PPP2R5A: variants seen among roughly 807,000 people sequenced by gnomAD.
PPP2R5A encodes the protein serine/threonine-protein phosphatase 2A 56 kDa regulatory subunit alpha isoform.
In PPP2R5A, 25 loss-of-function variants were observed where a neutral mutation model predicts 64.2. The ratio of observed to expected loss-of-function variants is 0.39; its 90% confidence interval spans 0.28 to 0.54. The LOEUF is 0.54. PPP2R5A is among the 20% of genes least tolerant of loss of function. PPP2R5A has a pLI of 0.67. For missense variants in PPP2R5A, 425 were observed against 576.3 expected (o/e 0.74, Z 2.69); for synonymous variants, 198 against 201.2 (o/e 0.98, Z 0.13).
intron 1 of PPP2R5A, 95 bp downstream of exon 1, chr1:212,286,386 C>T: frequency 7.5e-7 from 1 of 1,331,480 alleles, no homozygotes; most frequent in South Asian, 1.6e-5. Context: ...GTTTCTCCTG[C>T]TCAGTTGGGA....
At chr1:212,307,898 G>A (rs2102418153) in intron 1 of PPP2R5A, among the ~76,000 whole-genome samples, 1 of 151,776 alleles carries the variant, frequency 6.6e-6, no homozygotes, top group East Asian at 1.9e-4. Flanking sequence ...AGGCTGGAGT[G>A]CAGTGGCGTG....
intron 8 of PPP2R5A, chr1:212,352,979 G>C: frequency 1.9e-6 from 1 of 516,290 alleles, no homozygotes; most frequent in Non-Finnish European, 3.9e-6. Flanking sequence ...ACAAGCATTT[G>C]TTGCCTTAGT....
chr1:212,287,746 G>A (rs1459222129), intron 1 of PPP2R5A, among the ~76,000 whole-genome samples: 1 of 151,998 alleles, frequency 6.6e-6, no homozygotes, highest in African/African-American at 2.4e-5. Flanking sequence ...AAAGAATATC[G>A]TCTTTGCTAT....
chr1:212,356,915 A>G (rs753611791), intron 9 of PPP2R5A, 35 bp from the exon 10 acceptor site: 4 of 1,455,722 alleles, frequency 2.7e-6, no homozygotes, highest in Admixed American at 4.5e-5. Context: ...CACATAATTT[A>G]TCATGTTTCT....
At chr1:212,349,129 A>G in intron 7 of PPP2R5A, 60 bp from the exon 8 acceptor site, 2 of 1,202,110 alleles carry the variant, frequency 1.7e-6, no homozygotes, top group Non-Finnish European at 2.2e-6. Context: ...CTAAATATAA[A>G]AATCCTACAT....
intron 4 of PPP2R5A, among the ~76,000 whole-genome samples, chr1:212,343,547 T>A (rs1003436300): frequency 5.3e-5 from 8 of 152,246 alleles, no homozygotes; most frequent in Non-Finnish European, 1.0e-4. Flanking sequence ...GAAGGATTGA[T>A]AAATGAAGAA....
intron 12 of PPP2R5A, among the ~76,000 whole-genome samples, chr1:212,360,413 A>G (rs1201973351): frequency 6.6e-6 from 1 of 152,210 alleles, no homozygotes; most frequent in South Asian, 2.1e-4. Flanking sequence ...GGGGACAGAA[A>G]GCAAGTAGTA....
intron 8 of PPP2R5A, among the ~76,000 whole-genome samples, chr1:212,354,690 CAG>C (rs1659946974): frequency 6.7e-6 from 1 of 149,300 alleles, no homozygotes; most frequent in Non-Finnish European, 1.5e-5. Context: ...GCCTAGGCAA[CAG>C]AGTGAGGCCT....
Position 212,361,447 on chromosome 1 carries a change from G to A in PPP2R5A, c.*677G>A, listed in dbSNP as rs1194346459. ...GCAATTCTCCAGAGTGGTAACAGAT[G>A]GGTAGAGGCAGCTCAGGTGAATTAC... On this transcript the variant is annotated 3_prime_UTR_variant, in exon 13 of 13. Coordinates refer to ENST00000261461, the MANE Select transcript of PPP2R5A (RefSeq NM_006243.4). The A allele has an allele frequency of 6.6e-6, 1 of 152,640 alleles. No individual in the cohort carries two copies. Among genetic ancestry groups the A allele is most frequent in the Non-Finnish European group, 1.5e-5 (1 of 68,048 alleles). The allele number at this position is 152,640 out of a possible 1,614,324, so 9.5% of individuals were successfully genotyped here.
At chr1:212,340,266 T>G (rs1659665569) in intron 3 of PPP2R5A, among the ~76,000 whole-genome samples, 1 of 152,178 alleles carries the variant, frequency 6.6e-6, no homozygotes, top group African/African-American at 2.4e-5. Context: ...TCAAGTTGCA[T>G]ATCCTCCTTA....
At chr1:212,336,375 A>G (rs1362803557) in intron 3 of PPP2R5A, among the ~76,000 whole-genome samples, 6 of 152,192 alleles carry the variant, frequency 3.9e-5, no homozygotes, top group Admixed American at 1.3e-4. Flanking sequence ...TCAGCCTCCC[A>G]AAGTGCTGGG....
intron 1 of PPP2R5A, among the ~76,000 whole-genome samples, chr1:212,294,604 T>C (rs1222679609): frequency 2.0e-5 from 3 of 152,234 alleles, no homozygotes; most frequent in African/African-American, 7.2e-5. Context: ...TTTTCCATAG[T>C]GCATAAAATT....
chr1:212,361,590 AGTCCCACAGT>A lies in PPP2R5A; in HGVS notation c.*823_*832del, dbSNP rs1464098072. Reference sequence around the variant, plus strand: ...TCCTGACCCAGGGATGGAGGCTTTGAGTCCCACAGTGTGGTGATACAGAGCACTAGTTGTC... The same window carrying A: ...TCCTGACCCAGGGATGGAGGCTTTGAGTGGTGATACAGAGCACTAGTTGTC... On this transcript the variant is annotated 3_prime_UTR_variant, in exon 13 of 13. Transcript: ENST00000261461. 1 of 152,684 alleles carries A rather than the reference AGTCCCACAGT, an allele frequency of 6.5e-6. No individual in the cohort carries two copies. The highest frequency in any genetic ancestry group is 1.5e-5 in the Non-Finnish European group (1 of 68,072). The allele number at this position is 152,684 out of a possible 1,614,324, so 9.5% of individuals were successfully genotyped here.
rs115140954 is a variant in PPP2R5A at position 212,286,272 on chromosome 1, C to T, written c.162C>T (p.His54=). 310 of 1,530,008 alleles carry T rather than the reference C, an allele frequency of 2.0e-4. 4 individuals are homozygous for T. In the African/African-American group the frequency reaches 4.0e-3, roughly 20 times the overall value. The allele number at this position is 1,530,008 out of a possible 1,614,324, so 94.8% of individuals were successfully genotyped here. The change falls in exon 1 of 13, where the codon CAC becomes CAT. Residue 54 remains histidine, a synonymous_variant. Transcript: ENST00000261461. ...FRSQGSQAEL[H]PLPQLKDATS... is the part of the protein sequence containing the mutation. ...GCCAGGGCAGCCAGGCAGAGCTGCACCCGCTGCCCCAGCTCAAAGGTAACC... is the reference window on the plus strand; with the variant it reads ...GCCAGGGCAGCCAGGCAGAGCTGCATCCGCTGCCCCAGCTCAAAGGTAACC...
In PPP2R5A at chr1:212,286,052, C is replaced by T. The variant is rs1658490189; in HGVS notation, c.-59C>T. ...CTCCCCCGCCTCCTCCTGCCGTCTC[C>T]GCCGCTGCCCGTGCCTTGCAAGCAG... On this transcript the variant is annotated 5_prime_UTR_variant, in exon 1 of 13. Transcript: ENST00000261461. 2.8e-6 allele frequency: 4 copies of T among 1,448,336 alleles called. No individual in the cohort carries two copies. Among genetic ancestry groups the T allele is most frequent in the African/African-American group, 3.0e-5 (2 of 67,422 alleles). The allele number at this position is 1,448,336 out of a possible 1,614,324, so 89.7% of individuals were successfully genotyped here. A position where few individuals can be genotyped will look rare whatever the true frequency, so the allele number is the denominator to read the frequency against.
chr1:212,330,172 G>C (rs989428758), intron 2 of PPP2R5A, among the ~76,000 whole-genome samples: 1 of 152,116 alleles, frequency 6.6e-6, no homozygotes, highest in African/African-American at 2.4e-5. Flanking sequence ...CTATCAAACA[G>C]TATGATTTTG....
intron 1 of PPP2R5A, among the ~76,000 whole-genome samples, chr1:212,289,982 A>T (rs1658571499): frequency 6.6e-6 from 1 of 152,228 alleles, no homozygotes; most frequent in African/African-American, 2.4e-5. Context: ...CGAAGAAATC[A>T]ACCTAACCAG....
intron 7 of PPP2R5A, 78 bp downstream of exon 7, chr1:212,348,575 T>G: frequency 9.6e-7 from 1 of 1,043,250 alleles, no homozygotes; most frequent in Non-Finnish European, 1.4e-6. Context: ...TGAGAAATAC[T>G]GAGATGACAG....
At chr1:212,352,191 G>GT (rs995563617) in intron 8 of PPP2R5A, among the ~76,000 whole-genome samples, 24 of 148,650 alleles carry the variant, frequency 1.6e-4, no homozygotes, top group East Asian at 1.4e-3. Context: ...GCCCGGCTAG[G>GT]TTTTTTTTTG....
Sources: allele counts gnomAD v4.1 joint callset (sites outside exome capture counted in the v4.1 genomes callset), GRCh38; gene constraint gnomAD v4.1.1; transcripts MANE v1.5; gene names NCBI Gene and HGNC (gene_info 2026-07-23, HGNC 2026-07-21).